The following NGFR variants were observed in gnomAD, a reference collection of about 807,000 sequenced individuals.
NGFR encodes tumor necrosis factor receptor superfamily member 16.
NGFR carries 30 observed loss-of-function variants against 43.2 expected under a neutral mutation model. The observed-to-expected ratio is 0.69, with a 90% confidence interval of 0.52 to 0.94. The LOEUF (loss-of-function observed/expected upper bound fraction) is 0.94. Among genes scored for constraint, NGFR ranks in the 40% least tolerant of loss-of-function variants. The probability of loss-of-function intolerance (pLI) is 0.00; values close to 1 mark genes in which losing one functional copy is unlikely to be tolerated. For missense variants in NGFR, 529 were observed against 602.5 expected, an observed-to-expected ratio of 0.88 and a Z score of 1.28; for synonymous variants, 246 against 259.6, an observed-to-expected ratio of 0.95 and a Z score of 0.50.
intron 1 of NGFR, among the ~76,000 whole-genome samples, chr17:49,501,798 G>A (rs796167850): frequency 2.4e-4 from 36 of 152,326 alleles, no homozygotes; most frequent in African/African-American, 8.7e-4. Context: ...AGGAGTTGCT[G>A]TAACCCCAGG....
chr17:49,502,559 G>GC (rs2071173081), intron 2 of NGFR, among the ~76,000 whole-genome samples: 2 of 152,282 alleles, frequency 1.3e-5, no homozygotes, highest in East Asian at 3.9e-4. Flanking sequence ...CAAAATCAAT[G>GC]GCTGCCACTT....
rs1365554473 is a variant in NGFR at position 49,495,770 on chromosome 17, G to C, written c.66+287G>C. Reference sequence around the variant, plus strand: ...GCTGGGAGGGGTCTTTCAAGAGGGGGCATGGGGCTCTCCGATGCCCAGGTT... The same window carrying C: ...GCTGGGAGGGGTCTTTCAAGAGGGGCCATGGGGCTCTCCGATGCCCAGGTT... On this transcript the variant is annotated intron_variant, in intron 1 of 5. Transcript: ENST00000172229. The surrounding 1 kb of genome is among the most constrained non-coding windows in gnomAD (Gnocchi z 6.4). The C allele has an allele frequency of 2.7e-6, 1 of 370,058 alleles. No individual in the cohort carries two copies. The highest frequency in any genetic ancestry group is 4.8e-6 in the Non-Finnish European group (1 of 208,012). The allele number at this position is 370,058 out of a possible 1,614,324, so 22.9% of individuals were successfully genotyped here.
At chr17:49,496,167 A>C (rs1221101808) in intron 1 of NGFR, 1 of 152,928 alleles carries the variant, frequency 6.5e-6, no homozygotes, top group Admixed American at 6.5e-5. Context: ...GAAAGGAGAC[A>C]GAGCGGGGCG....
At chr17:49,497,839 G>T (rs932143773) in intron 1 of NGFR, 15 of 152,800 alleles carry the variant, frequency 9.8e-5, no homozygotes, top group Non-Finnish European at 2.2e-4. Flanking sequence ...TGGGTGGATG[G>T]TGGATGGGGA....
intron 4 of NGFR, chr17:49,510,960 A>G (rs2071228534): frequency 2.0e-5 from 8 of 407,436 alleles, no homozygotes; most frequent in South Asian, 6.2e-5. Flanking sequence ...CCTCATCCCC[A>G]ACCTCCTTCA....
intron 3 of NGFR, 40 bp downstream of exon 3, chr17:49,506,698 G>GGC: frequency 2.4e-6 from 1 of 423,476 alleles, no homozygotes; most frequent in Non-Finnish European, 4.0e-6. Context: ...GGGGGTGCGG[G>GGC]GGTGGGCTGG....
chr17:49,495,545 G>A lies in NGFR; in HGVS notation c.66+62G>A, dbSNP rs2143415790. 2.5e-6 allele frequency: 3 copies of A among 1,195,452 alleles called. No homozygotes were observed. Among genetic ancestry groups the A allele is most frequent in the Non-Finnish European group, 3.2e-6 (3 of 952,292 alleles). The allele number at this position is 1,195,452 out of a possible 1,614,324, so 74.1% of individuals were successfully genotyped here. A position where few individuals can be genotyped will look rare whatever the true frequency, so the allele number is the denominator to read the frequency against. On this transcript the variant is annotated intron_variant, in intron 1 of 5. Coordinates refer to ENST00000172229, the MANE Select transcript of NGFR (RefSeq NM_002507.4). The surrounding 1 kb of genome is among the most constrained non-coding windows in gnomAD (Gnocchi z 6.4). ...GGGATCAGAACTCCGAGAAGAGCCG[G>A]GCGCCGCCACCAAGGAAACAGAACA...
At position 49,512,106 on chromosome 17, in the gene NGFR, A is replaced by C. The variant is rs1243893934; in HGVS notation, c.982+54A>C. 1.3e-6 allele frequency: 2 copies of C among 1,582,494 alleles called. No homozygotes were observed. Among genetic ancestry groups the C allele is most frequent in the Non-Finnish European group, 1.7e-6 (2 of 1,163,540 alleles). Reference sequence around the variant, plus strand: ...GCGGAGCTGAGGCTGAGGAAACAGAAGCAATTAAGATTAGACTCCAGGAAG... The same window carrying C: ...GCGGAGCTGAGGCTGAGGAAACAGACGCAATTAAGATTAGACTCCAGGAAG... On this transcript the variant is annotated intron_variant, in intron 5 of 5. Coordinates refer to ENST00000172229, the MANE Select transcript of NGFR (RefSeq NM_002507.4). The surrounding 1 kb of genome is among the most constrained non-coding windows in gnomAD (Gnocchi z 5.2).
In NGFR at chr17:49,512,683, T is replaced by C. The variant is rs755451439; in HGVS notation, c.983-25T>C. On this transcript the variant is annotated intron_variant, in intron 5 of 5. Transcript: ENST00000172229. The surrounding 1 kb of genome is among the most constrained non-coding windows in gnomAD (Gnocchi z 5.2). ...GGGAAAGGAGTTCAGGGGTAGGACC[T>C]GACTCTCCTCTGGTTTCTCTGCAGC... is the stretch of plus-strand genomic sequence containing the variant. 3.9e-5 allele frequency: 61 copies of C among 1,552,456 alleles called. 1 individual carries two copies. The Middle Eastern group carries it at 7.0e-4, about 18-fold the overall frequency.
Position 49,495,306 on chromosome 17 carries a change from C to A in NGFR, c.-112C>A. 1 of 899,838 alleles carries A rather than the reference C, an allele frequency of 1.1e-6. No individual in the cohort carries two copies. Among genetic ancestry groups the A allele is most frequent in the Non-Finnish European group, 1.5e-6 (1 of 687,110 alleles). The allele number at this position is 899,838 out of a possible 1,614,324, so 55.7% of individuals were successfully genotyped here. A position where few individuals can be genotyped will look rare whatever the true frequency, so the allele number is the denominator to read the frequency against. On this transcript the variant is annotated 5_prime_UTR_variant, in exon 1 of 6. Transcript: ENST00000172229. This position sits in a 1 kb window ranked among gnomAD's most constrained non-coding sequence, Gnocchi z 6.4. Reference sequence around the variant, plus strand: ...CCGCCCGCAGCCAGAGCGAGCCGAGCCGCGGCCAGCTCCGGCGGGCAGGGG... The same window carrying A: ...CCGCCCGCAGCCAGAGCGAGCCGAGACGCGGCCAGCTCCGGCGGGCAGGGG...
At chr17:49,504,769 CTTTTTTT>C (rs67010321) in intron 2 of NGFR, among the ~76,000 whole-genome samples, 1 of 110,934 alleles carries the variant, frequency 9.0e-6, no homozygotes, top group South Asian at 3.0e-4. Context: ...TTCTTTCTTT[CTTTTTTT>C]TTTTTTTTTT....
chr17:49,510,058 G>A (rs1015709260), intron 3 of NGFR, among the ~76,000 whole-genome samples: 2 of 152,180 alleles, frequency 1.3e-5, no homozygotes, highest in Non-Finnish European at 2.9e-5. Context: ...AGGTACTCAG[G>A]AGGTGGAATA....
At chr17:49,500,600 A>G (rs1300566092) in intron 1 of NGFR, among the ~76,000 whole-genome samples, 3 of 152,206 alleles carry the variant, frequency 2.0e-5, no homozygotes, top group African/African-American at 7.2e-5. Context: ...GCCCTAAAGG[A>G]TGAAAAGAAA....
chr17:49,506,093 C>T (rs887959359), intron 2 of NGFR: 2 of 1,009,744 alleles, frequency 2.0e-6, no homozygotes, highest in African/African-American at 1.6e-5. Flanking sequence ...GATGCGGCTC[C>T]GGGCCTCCTC....
chr17:49,506,003 A>G, intron 2 of NGFR: 1 of 455,308 alleles, frequency 2.2e-6, no homozygotes, highest in Non-Finnish European at 3.9e-6. Context: ...TCTCAAAGAG[A>G]ATTTGCCAAG....
Position 49,506,665 on chromosome 17 carries a change from G to C in NGFR, c.568+7G>C. ...GCCGACGCCGAGTGCGAGGGTGAGT[G>C]CGGTTCGGGGGGCGGGGGGAGTGGG... On this transcript the variant is annotated splice_region_variant and intron_variant, in intron 3 of 5. Transcript: ENST00000172229. 1 of 1,444,006 alleles carries C rather than the reference G, an allele frequency of 6.9e-7. No individual in the cohort carries two copies. The highest frequency in any genetic ancestry group is 1.4e-5 in the South Asian group (1 of 69,236). 89.4% of individuals were successfully genotyped at this position (1,444,006 alleles called of 1,614,324 possible).
At chr17:49,502,021 C>CCCCT in intron 1 of NGFR, 42 bp from the exon 2 acceptor site, 1 of 1,324,462 alleles carries the variant, frequency 7.6e-7, no homozygotes, top group Non-Finnish European at 9.9e-7. Flanking sequence ...CCCACCCCAG[C>CCCCT]TTTCTCTTGC....
intron 2 of NGFR, 94 bp downstream of exon 2, chr17:49,502,298 G>A: frequency 7.2e-7 from 1 of 1,392,816 alleles, no homozygotes; most frequent in Non-Finnish European, 9.6e-7. Context: ...ATGCCCAGTA[G>A]AGGCCTTATA....
chr17:49,496,428 C>G (rs1367473306), intron 1 of NGFR: 3 of 152,246 alleles, frequency 2.0e-5, no homozygotes, highest in African/African-American at 7.2e-5. Context: ...CTTGAAGCAG[C>G]GCAGCGGATC....
Sources: gnomAD v4.1 joint callset for allele counts (sites outside exome capture counted in the v4.1 genomes callset) on GRCh38, gnomAD v4.1.1 for gene constraint, Gnocchi (gnomAD v3.1) non-coding constraint, MANE v1.5 for transcripts, NCBI Gene and HGNC (gene_info 2026-07-23, HGNC 2026-07-21) for gene names.